The following CNTNAP2 variants were observed in gnomAD, a reference collection of about 807,000 sequenced individuals.
CNTNAP2 encodes contactin-associated protein-like 2.
Under a neutral mutation model 155.2 loss-of-function variants are expected in CNTNAP2, and 98 were observed. The observed-to-expected ratio is 0.63, with a 90% CI of 0.54 to 0.75. The LOEUF (loss-of-function observed/expected upper bound fraction) is 0.75. CNTNAP2 is among the 30% of genes least tolerant of loss of function. The pLI is 0.00. For synonymous variants in CNTNAP2, 651 were observed against 631.2 expected, an observed-to-expected ratio of 1.03 and a Z score of -0.47; for missense variants, 1,727 against 1,688.1, an observed-to-expected ratio of 1.02 and a Z score of -0.40.
chr7:146,307,334 G>A lies in CNTNAP2; in HGVS notation c.97+190361G>A, dbSNP rs148046803. On this transcript the variant is annotated intron_variant, in intron 1 of 23. Coordinates refer to ENST00000361727, the MANE Select transcript of CNTNAP2 (RefSeq NM_014141.6). ...ACTGCTCAATGAAATAAAAGAGGAC[G>A]CAAACAAATGGAAGAACATTCCATG... 6.8e-3 allele frequency among the ~76,000 whole-genome samples: 1,038 copies of A among 152,074 alleles called. 10 individuals carry two copies. Among genetic ancestry groups the A allele is most frequent in the African/African-American group, 0.023 (955 of 41,496 alleles).
intron 21 of CNTNAP2, among the ~76,000 whole-genome samples, chr7:148,338,755 G>C (rs1434682562): frequency 6.6e-6 from 1 of 152,122 alleles, no homozygotes; most frequent in Non-Finnish European, 1.5e-5. Context: ...AGAATATTAA[G>C]ATGCTCCTGA....
chr7:147,272,560 G>A (rs1804776911), intron 8 of CNTNAP2, among the ~76,000 whole-genome samples: 2 of 151,900 alleles, frequency 1.3e-5, no homozygotes, highest in South Asian at 2.1e-4. Context: ...GTGCAGTGGC[G>A]CCATCTCGGC....
chr7:147,963,977 A>T (rs1801161048), intron 14 of CNTNAP2, among the ~76,000 whole-genome samples: 1 of 152,120 alleles, frequency 6.6e-6, no homozygotes, highest in Non-Finnish European at 1.5e-5. Context: ...GTGTCCTCTG[A>T]AAAACTCATC....
intron 1 of CNTNAP2, among the ~76,000 whole-genome samples, chr7:146,234,614 T>G (rs802575): frequency 0.7 from 104,809 of 150,022 alleles, 37,464 homozygotes; most frequent in East Asian, 0.94. Flanking sequence ...TTTAAGTCTT[T>G]AATCCATCTT....
At chr7:146,573,379 G>T (rs898887548) in intron 1 of CNTNAP2, among the ~76,000 whole-genome samples, 1 of 152,098 alleles carries the variant, frequency 6.6e-6, no homozygotes, top group South Asian at 2.1e-4. Context: ...CTGACCTCGT[G>T]ATCTGCCTGC....
chr7:148,281,319 G>A (rs1045174469), intron 21 of CNTNAP2, among the ~76,000 whole-genome samples: 1 of 152,140 alleles, frequency 6.6e-6, no homozygotes, highest in Non-Finnish European at 1.5e-5. Flanking sequence ...GCAGCTTATC[G>A]CCTTGTGATT....
intron 1 of CNTNAP2, among the ~76,000 whole-genome samples, chr7:146,178,672 C>T (rs1000549948): frequency 3.2e-4 from 49 of 152,116 alleles, no homozygotes; most frequent in Admixed American, 1.4e-3. Context: ...AGGTGTCAGA[C>T]GTTTAGATGA....
chr7:146,720,843 AAG>A (rs1238471906), intron 1 of CNTNAP2, among the ~76,000 whole-genome samples: 1 of 143,746 alleles, frequency 7.0e-6, no homozygotes, highest in Non-Finnish European at 1.5e-5. Flanking sequence ...TATTTAGAGA[AAG>A]AGCTAGAACC....
At chr7:146,211,745 G>C (rs954427741) in intron 1 of CNTNAP2, among the ~76,000 whole-genome samples, 3 of 152,016 alleles carry the variant, frequency 2.0e-5, no homozygotes, top group Non-Finnish European at 4.4e-5. Flanking sequence ...CTATAAACTA[G>C]AGACAGCAGA....
chr7:148,045,210 G>T (rs919250517), intron 15 of CNTNAP2, among the ~76,000 whole-genome samples: 1 of 152,104 alleles, frequency 6.6e-6, no homozygotes, highest in East Asian at 1.9e-4. Context: ...TCCTGGACAC[G>T]CAGGCTCCAC....
At chr7:147,428,224 C>T (rs1338430823) in intron 10 of CNTNAP2, among the ~76,000 whole-genome samples, 1 of 152,134 alleles carries the variant, frequency 6.6e-6, no homozygotes, top group Non-Finnish European at 1.5e-5. Flanking sequence ...ATACTCAAAC[C>T]TACAATGAAT....
chr7:146,764,942 G>T (rs1802169032), intron 1 of CNTNAP2, among the ~76,000 whole-genome samples: 1 of 151,982 alleles, frequency 6.6e-6, no homozygotes, highest in Non-Finnish European at 1.5e-5. Flanking sequence ...ACTTCCTATG[G>T]TGTGCCCTAC....
intron 13 of CNTNAP2, among the ~76,000 whole-genome samples, chr7:147,829,853 C>T (rs1013517966): frequency 2.6e-5 from 4 of 151,934 alleles, no homozygotes; most frequent in Non-Finnish European, 2.9e-5. Flanking sequence ...TACAGAGCAG[C>T]GAGGGGGGCC....
At chr7:146,822,290 G>T (rs1585107287) in intron 2 of CNTNAP2, among the ~76,000 whole-genome samples, 2 of 152,064 alleles carry the variant, frequency 1.3e-5, no homozygotes, top group Non-Finnish European at 2.9e-5. Context: ...ATGGACACAG[G>T]AAGGGGAACA....
At chr7:147,683,859 A>G (rs1795983587) in intron 13 of CNTNAP2, among the ~76,000 whole-genome samples, 1 of 151,144 alleles carries the variant, frequency 6.6e-6, no homozygotes, top group Non-Finnish European at 1.5e-5. Flanking sequence ...AATCTAGGGC[A>G]CTTGGTGTTG....
chr7:146,444,364 A>G (rs1796371020), intron 1 of CNTNAP2, among the ~76,000 whole-genome samples: 1 of 152,166 alleles, frequency 6.6e-6, no homozygotes, highest in African/African-American at 2.4e-5. Context: ...ACTGACTTAC[A>G]TGAATCAGAA....
chr7:146,503,846 C>T lies in CNTNAP2; in HGVS notation c.98-270425C>T, dbSNP rs543175520. ...TGTTTTGATTACTGTCAGGTTCCAA[C>T]CTGAGCTGGGGTCTGAGGGGACAGG... On this transcript the variant is annotated intron_variant, in intron 1 of 23. Transcript: ENST00000361727. Among the ~76,000 whole-genome samples the T allele has an allele frequency of 2.6e-5, 4 of 152,204 alleles. No individual in the cohort carries two copies. The East Asian group carries it at 5.8e-4, about 22-fold the overall frequency.
chr7:146,255,331 T>C (rs1040568406), intron 1 of CNTNAP2, among the ~76,000 whole-genome samples: 1 of 152,174 alleles, frequency 6.6e-6, no homozygotes, highest in Non-Finnish European at 1.5e-5. Flanking sequence ...TTATTTGAAG[T>C]GTCTACCACT....
rs10551518 is a variant in CNTNAP2, at chr7:148,208,088, CAA to C, written c.3011-9185_3011-9184del. On this transcript the variant is annotated intron_variant, in intron 18 of 23. Transcript: ENST00000361727. The stretch of plus-strand genomic sequence containing the variant: ...TGGGCGACAGAGCGAGACTCCGTGT[CAA>C]AAAAAAAAAAAAAAGAGGTCATCAC... 2.1e-3 allele frequency among the ~76,000 whole-genome samples: 255 copies of C among 120,790 alleles called. 2 individuals carry two copies. The highest frequency in any genetic ancestry group is 4.4e-3 in the African/African-American group (153 of 35,128). 79.2% of individuals were successfully genotyped at this position (120,790 alleles called of 152,430 possible). A position where few individuals can be genotyped will look rare whatever the true frequency, so the allele number is the denominator to read the frequency against.
Sources: allele counts gnomAD v4.1 joint callset (sites outside exome capture counted in the v4.1 genomes callset), GRCh38; gene constraint gnomAD v4.1.1; transcripts MANE v1.5; gene names NCBI Gene and HGNC (gene_info 2026-07-23, HGNC 2026-07-21).